Variants in COL6A6 observed in about 807,000 individuals in gnomAD.
COL6A6 encodes collagen type VI alpha 6 chain, also known as collagen alpha-6(VI) chain.
A neutral mutation model predicts 208.6 loss-of-function variants in COL6A6; 183 were observed. The observed-to-expected ratio is 0.88, with a 90% CI of 0.78 to 0.99. The LOEUF (loss-of-function observed/expected upper bound fraction) is 0.99. Among genes scored for constraint, COL6A6 ranks in the 50% least tolerant of loss-of-function variants. COL6A6 has a pLI of 0.00. For synonymous variants in COL6A6, 973 were observed against 1,011.8 expected (o/e 0.96, Z 0.73); for missense variants, 2,816 against 2,815.2 (o/e 1.00, Z -0.01).
At position 130,643,085 on chromosome 3, in the gene COL6A6, AAC is replaced by A. The variant is rs1463592711; in HGVS notation, c.5227+63_5227+64del. On this transcript the variant is annotated intron_variant, in intron 31 of 36. Coordinates refer to ENST00000358511, the MANE Select transcript of COL6A6 (RefSeq NM_001102608.3). The stretch of plus-strand genomic sequence containing the variant: ...AGCATTCATACAAGAAAAGCAGAGA[AAC>A]CTACACTCAGAATTGAATTCACCAG... 10 of 1,546,614 alleles carry A rather than the reference AAC, an allele frequency of 6.5e-6. No homozygotes were observed. In the African/African-American group the frequency reaches 1.2e-4, roughly 19 times the overall value.
chr3:130,605,693 T>C (rs751782765), intron 20 of COL6A6, among the ~76,000 whole-genome samples: 3 of 152,190 alleles, frequency 2.0e-5, no homozygotes, highest in Non-Finnish European at 4.4e-5. Context: ...ATAACAATAG[T>C]GTATTGGTCC....
Position 130,626,949 on chromosome 3 carries a change from C to A in COL6A6, c.4942-370C>A, listed in dbSNP as rs539041050. Among the ~76,000 whole-genome samples the A allele has an allele frequency of 5.3e-5, 8 of 152,180 alleles. No individual in the cohort carries two copies. The East Asian group carries it at 1.5e-3, about 29-fold the overall frequency. ...GCATTTACTAGTTGTTTTTGTCTAGCAAACTGAAAATGGTATTAAAATAGA... is the reference window on the plus strand; with the variant it reads ...GCATTTACTAGTTGTTTTTGTCTAGAAAACTGAAAATGGTATTAAAATAGA... On this transcript the variant is annotated intron_variant, in intron 25 of 36. Coordinates refer to ENST00000358511, the MANE Select transcript of COL6A6 (RefSeq NM_001102608.3).
chr3:130,673,656 GATA>G (rs1391717085), intron 36 of COL6A6, among the ~76,000 whole-genome samples: 1 of 152,160 alleles, frequency 6.6e-6, no homozygotes, highest in African/African-American at 2.4e-5. Flanking sequence ...CACTCTGCAA[GATA>G]ATAAGGAAAT....
intron 1 of COL6A6, among the ~76,000 whole-genome samples, chr3:130,520,278 AC>A (rs1218835726): frequency 6.6e-6 from 1 of 152,258 alleles, no homozygotes; most frequent in African/African-American, 2.4e-5. Flanking sequence ...TAAAGCAGTT[AC>A]CAAAAGCTAC....
At chr3:130,642,796 A>G in intron 29 of COL6A6, 36 bp from the exon 30 acceptor site, 1 of 1,604,012 alleles carries the variant, frequency 6.2e-7, no homozygotes, top group East Asian at 2.2e-5. Context: ...GTGTATGTCT[A>G]GAGGCATTAA....
intron 12 of COL6A6, among the ~76,000 whole-genome samples, chr3:130,590,268 TATATATATATATATATATATATATATATA>T (rs2063646007): frequency 1.8e-4 from 3 of 16,748 alleles, no homozygotes; most frequent in African/African-American, 5.1e-4. Context: ...TATATATATA[TATATATATATATATATATATATATATATA>T]TATTTTTTTT....
rs548940146 is a variant in COL6A6, at chr3:130,549,350, C to A, written c.-31-10984C>A. Reference sequence around the variant, plus strand: ...TTTAAAAATTTCTTATAGAGATAGGCTCTCACTATGTTGCTCAGGCTGGCC... The same window carrying A: ...TTTAAAAATTTCTTATAGAGATAGGATCTCACTATGTTGCTCAGGCTGGCC... On this transcript the variant is annotated intron_variant, in intron 1 of 36. Transcript: ENST00000358511. 3.3e-5 allele frequency among the ~76,000 whole-genome samples: 5 copies of A among 152,198 alleles called. No individual in the cohort carries two copies. In the East Asian group the frequency reaches 9.7e-4, roughly 29 times the overall value.
At chr3:130,611,491 TA>T (rs968627376) in intron 23 of COL6A6, among the ~76,000 whole-genome samples, 4 of 152,224 alleles carry the variant, frequency 2.6e-5, no homozygotes, top group Non-Finnish European at 5.9e-5. Context: ...GCAAGCTCCA[TA>T]AAAGATAGGA....
intron 28 of COL6A6, among the ~76,000 whole-genome samples, chr3:130,641,364 A>G (rs551890923): frequency 6.6e-6 from 1 of 152,364 alleles, no homozygotes; most frequent in South Asian, 2.1e-4. Flanking sequence ...AAAAGGTAAC[A>G]GAGAAAAGTA....
intron 1 of COL6A6, among the ~76,000 whole-genome samples, chr3:130,540,012 CTATT>C (rs2062323606): frequency 6.6e-6 from 1 of 152,108 alleles, no homozygotes; most frequent in Non-Finnish European, 1.5e-5. Context: ...GCAAGAGGTT[CTATT>C]TATTTGCTTA....
rs781309863 is a variant in COL6A6, at chr3:130,571,335, A to G, written c.2919A>G (p.Gly973=). The stretch of plus-strand genomic sequence containing the variant: ...AGTACTTCTTCGTGGAGACTTTTGG[A>G]GGTCTGAAGGGAATATTTTCAGATG... The part of the protein sequence containing the change: ...SDKYFFVETF[G]GLKGIFSDVT... The change falls in exon 7 of 37, where the codon GGA becomes GGG. Residue 973 remains glycine, a synonymous_variant. Coordinates refer to ENST00000358511, the MANE Select transcript of COL6A6 (RefSeq NM_001102608.3). 1.4e-5 allele frequency: 23 copies of G among 1,609,416 alleles called. No individual in the cohort carries two copies. The highest frequency in any genetic ancestry group is 8.5e-6 in the Non-Finnish European group (10 of 1,178,566).
rs761096502 is a variant in COL6A6 at position 130,661,802 on chromosome 3, C to T, written c.5996C>T (p.Pro1999Leu). ...GALLDHFEIT[P>L]EPETSVTGDR... ...CTATTAGATCACTTTGAAATCACCC[C>T]AGAGCCGGAGACTTCTGTCACTGGA... Residue 1999 changes from proline to leucine, a missense_variant, in exon 35 of 37, where the codon CCA (proline) becomes CTA (leucine). Physicochemically the swap from Pro to Leu is moderately conservative, Grantham distance 98. Transcript: ENST00000358511. 4 of 1,613,776 alleles carry T rather than the reference C, an allele frequency of 2.5e-6. No homozygotes were observed. The highest frequency in any genetic ancestry group is 2.7e-5 in the African/African-American group (2 of 74,886).
chr3:130,568,754 C>T, intron 6 of COL6A6, 150 bp downstream of exon 6: 1 of 788,484 alleles, frequency 1.3e-6, no homozygotes. Context: ...TTGAATTAAA[C>T]AGACAGTGAG....
At chr3:130,666,719 G>A (rs147927499) in intron 36 of COL6A6, among the ~76,000 whole-genome samples, 2 of 152,080 alleles carry the variant, frequency 1.3e-5, no homozygotes, top group African/African-American at 4.8e-5. Context: ...AAATGAAATG[G>A]GAAGATCTAA....
At chr3:130,573,783 A>G (rs1371613331) in intron 7 of COL6A6, among the ~76,000 whole-genome samples, 173 bp from the exon 8 acceptor site, 2 of 151,840 alleles carry the variant, frequency 1.3e-5, no homozygotes, top group African/African-American at 2.4e-5. Flanking sequence ...GTTAGCCAGG[A>G]TGGTCTCGCT....
At chr3:130,530,512 G>A (rs2062057238) in intron 1 of COL6A6, among the ~76,000 whole-genome samples, 1 of 152,196 alleles carries the variant, frequency 6.6e-6, no homozygotes. Context: ...CAAAGTAAGT[G>A]GTGAAAATAT....
At chr3:130,542,102 T>G (rs2062378007) in intron 1 of COL6A6, among the ~76,000 whole-genome samples, 1 of 151,906 alleles carries the variant, frequency 6.6e-6, no homozygotes, top group Non-Finnish European at 1.5e-5. Context: ...TTTTTTTCTT[T>G]TTCAGGGAAC....
chr3:130,602,358 A>G (rs1576309096), intron 20 of COL6A6, among the ~76,000 whole-genome samples: 2 of 152,250 alleles, frequency 1.3e-5, no homozygotes, highest in Non-Finnish European at 2.9e-5. Flanking sequence ...GTCCTATTCA[A>G]AGATGGTGAA....
At chr3:130,547,576 G>T (rs894250050) in intron 1 of COL6A6, among the ~76,000 whole-genome samples, 1 of 152,248 alleles carries the variant, frequency 6.6e-6, no homozygotes, top group Non-Finnish European at 1.5e-5. Context: ...CCGAGGAGGG[G>T]CTGAGAACGA....
Sources: gnomAD v4.1 joint callset for allele counts (sites outside exome capture counted in the v4.1 genomes callset) on GRCh38, gnomAD v4.1.1 for gene constraint, MANE v1.5 for transcripts, NCBI Gene and HGNC (gene_info 2026-07-23, HGNC 2026-07-21) for gene names.